AKT3: variants seen among roughly 807,000 people sequenced by gnomAD.
AKT3 encodes the protein AKT serine/threonine kinase 3, also known as RAC-gamma serine/threonine-protein kinase.
In AKT3, 15 loss-of-function variants were observed where a neutral mutation model predicts 65.3. The ratio of observed to expected loss-of-function variants is 0.23; its 90% CI spans 0.15 to 0.35. The LOEUF is 0.35. Among genes scored for constraint, AKT3 ranks in the 10% least tolerant of loss-of-function variants. AKT3 has a pLI of 1.00. For missense variants in AKT3, 243 were observed against 576.5 expected (o/e 0.42, Z 5.92); for synonymous variants, 206 against 183.8 (o/e 1.12, Z -0.98).
chr1:243,841,828 ACTC>A (rs1695256488), intron 2 of AKT3, among the ~76,000 whole-genome samples: 1 of 151,652 alleles, frequency 6.6e-6, no homozygotes, highest in Admixed American at 6.6e-5. Flanking sequence ...ATGAACTACT[ACTC>A]AACCATAAAA....
chr1:243,699,503 A>ATATATATATATATG (rs1685297833), intron 2 of AKT3, among the ~76,000 whole-genome samples: 2 of 79,364 alleles, frequency 2.5e-5, no homozygotes, highest in African/African-American at 8.5e-5. Context: ...ATATATATAT[A>ATATATATATATATG]TATATATATA....
At chr1:243,820,934 C>A (rs1391705427) in intron 2 of AKT3, among the ~76,000 whole-genome samples, 1 of 152,030 alleles carries the variant, frequency 6.6e-6, no homozygotes, top group Admixed American at 6.6e-5. Context: ...ATCCAGAGAA[C>A]CCCAGTAAGA....
At chr1:243,641,023 T>G (rs1680343696) in intron 5 of AKT3, among the ~76,000 whole-genome samples, 1 of 151,972 alleles carries the variant, frequency 6.6e-6, no homozygotes, top group African/African-American at 2.4e-5. Context: ...CAGCTGCCAG[T>G]GTGGCTAGAA....
chr1:243,709,448 A>C (rs1031164409), intron 2 of AKT3, among the ~76,000 whole-genome samples: 2 of 151,894 alleles, frequency 1.3e-5, no homozygotes, highest in Non-Finnish European at 2.9e-5. Flanking sequence ...TTTTCAAAAA[A>C]GTCCTTGCTT....
intron 2 of AKT3, among the ~76,000 whole-genome samples, chr1:243,748,541 TAAGTA>T (rs1009936908): frequency 2.0e-5 from 3 of 152,130 alleles, no homozygotes; most frequent in South Asian, 2.1e-4. Flanking sequence ...ATTCAGCAGA[TAAGTA>T]AATAAAACAA....
At chr1:243,698,358 A>G (rs1685190757) in intron 2 of AKT3, among the ~76,000 whole-genome samples, 1 of 152,080 alleles carries the variant, frequency 6.6e-6, no homozygotes, top group Admixed American at 6.6e-5. Flanking sequence ...AACACGGAAT[A>G]ACACCATTTC....
intron 1 of AKT3, among the ~76,000 whole-genome samples, chr1:243,847,647 GT>G (rs1695576243): frequency 6.6e-6 from 1 of 152,096 alleles, no homozygotes; most frequent in Non-Finnish European, 1.5e-5. Context: ...AAGTCCATTT[GT>G]TCCCTAGTAA....
intron 3 of AKT3, among the ~76,000 whole-genome samples, chr1:243,674,038 T>C (rs142989607): frequency 7.2e-4 from 110 of 152,336 alleles, no homozygotes; most frequent in African/African-American, 2.3e-3. Flanking sequence ...GTCCATACTA[T>C]TTGATTTCTG....
chr1:243,690,945 T>C (rs1323001170), intron 3 of AKT3, among the ~76,000 whole-genome samples: 2 of 152,098 alleles, frequency 1.3e-5, no homozygotes, highest in African/African-American at 4.8e-5. Flanking sequence ...CACTAGGAGA[T>C]ATAAGATAAA....
chr1:243,540,467 A>C (rs911810825), intron 12 of AKT3, among the ~76,000 whole-genome samples: 1 of 152,172 alleles, frequency 6.6e-6, no homozygotes, highest in Admixed American at 6.6e-5. Flanking sequence ...TAAAACATCT[A>C]TATTATAACA....
At chr1:243,584,727 T>C (rs548969342) in intron 8 of AKT3, among the ~76,000 whole-genome samples, 1 of 151,980 alleles carries the variant, frequency 6.6e-6, no homozygotes, top group South Asian at 2.1e-4. Context: ...CTCAACAAAC[T>C]AGGCATCAAA....
chr1:243,716,497 GA>G, intron 2 of AKT3, among the ~76,000 whole-genome samples: 1 of 152,196 alleles, frequency 6.6e-6, no homozygotes, highest in East Asian at 1.9e-4. Flanking sequence ...GTGGTCTATT[GA>G]TACACTAACA....
At chr1:243,780,318 A>G (rs879330803) in intron 2 of AKT3, among the ~76,000 whole-genome samples, 2 of 152,072 alleles carry the variant, frequency 1.3e-5, no homozygotes, top group African/African-American at 2.4e-5. Context: ...TGAATTCAAC[A>G]TATGATTCAA....
In AKT3 at chr1:243,789,812, G is replaced by A. The variant is rs533936187; in HGVS notation, c.46+53313C>T. ...GAAATTAGTCCTTGATACCTGGGCT[G>A]CAGAATAAATGTTGTGTTAGCAGGC... On this transcript the variant is annotated intron_variant, in intron 2 of 13. Coordinates refer to ENST00000673466, the MANE Select transcript of AKT3 (RefSeq NM_005465.7). 1.1e-4 allele frequency among the ~76,000 whole-genome samples: 16 copies of A among 152,314 alleles called. No homozygotes were observed. The East Asian group carries it at 2.7e-3, about 26-fold the overall frequency.
chr1:243,686,645 A>ATATATATC (rs1684326149), intron 3 of AKT3, among the ~76,000 whole-genome samples: 1 of 22,008 alleles, frequency 4.5e-5, no homozygotes, highest in African/African-American at 1.3e-4. Flanking sequence ...ATATATATAT[A>ATATATATC]TATATATTTT....
chr1:243,773,953 G>C (rs996396247), intron 2 of AKT3, among the ~76,000 whole-genome samples: 1 of 152,056 alleles, frequency 6.6e-6, no homozygotes, highest in Non-Finnish European at 1.5e-5. Context: ...TCATTTTTAA[G>C]ATAACTTAAC....
chr1:243,515,423 G>C (rs893191875), intron 12 of AKT3, among the ~76,000 whole-genome samples: 2 of 149,354 alleles, frequency 1.3e-5, no homozygotes, highest in African/African-American at 4.9e-5. Context: ...AATTCACTCA[G>C]AGCGTTTCAT....
intron 2 of AKT3, among the ~76,000 whole-genome samples, chr1:243,773,374 G>A (rs888946915): frequency 5.3e-5 from 8 of 151,940 alleles, no homozygotes; most frequent in South Asian, 2.1e-4. Context: ...AAAAGTAGAC[G>A]CTTTGAAATC....
chr1:243,495,423 A>G (rs534241271), downstream of AKT3, among the ~76,000 whole-genome samples: 13 of 152,256 alleles, frequency 8.5e-5, no homozygotes, highest in African/African-American at 2.6e-4. Context: ...GAAGGGAAGG[A>G]GGGCTTTGAA....
Sources: allele counts gnomAD v4.1 joint callset (sites outside exome capture counted in the v4.1 genomes callset), GRCh38; gene constraint gnomAD v4.1.1; transcripts MANE v1.5; gene names NCBI Gene and HGNC (gene_info 2026-07-23, HGNC 2026-07-21).